CCDC125: variants seen among roughly 807,000 people sequenced by gnomAD.
The protein encoded by CCDC125 is coiled-coil domain-containing protein 125.
Under a neutral mutation model 57.4 loss-of-function variants are expected in CCDC125, and 43 were observed. The ratio of observed to expected loss-of-function variants is 0.75; its 90% CI spans 0.59 to 0.97. The LOEUF is 0.97. Among genes scored for constraint, CCDC125 ranks in the 50% least tolerant of loss-of-function variants. CCDC125 has a pLI of 0.00. For synonymous variants in CCDC125, 187 were observed against 195.2 expected (o/e 0.96, Z 0.35); for missense variants, 563 against 595.7 (o/e 0.95, Z 0.57).
chr5:69,286,100 T>C (rs1451194368), intron 10 of CCDC125, among the ~76,000 whole-genome samples: 2 of 148,542 alleles, frequency 1.3e-5, no homozygotes, highest in Admixed American at 6.9e-5. Flanking sequence ...TAAAGAAAGA[T>C]GAAAATGTTC....
chr5:69,314,224 G>A (rs887626936), intron 2 of CCDC125, among the ~76,000 whole-genome samples, 178 bp from the exon 3 acceptor site: 2 of 152,096 alleles, frequency 1.3e-5, no homozygotes, highest in African/African-American at 2.4e-5. Context: ...CAGCACTCTG[G>A]GAGGCCGAGG....
chr5:69,287,936 G>A (rs1032846748), intron 10 of CCDC125, among the ~76,000 whole-genome samples: 1 of 152,110 alleles, frequency 6.6e-6, no homozygotes, highest in African/African-American at 2.4e-5. Context: ...GAGATTGGGA[G>A]CTATACCCCT....
At chr5:69,317,990 T>G (rs1048195997) in intron 2 of CCDC125, among the ~76,000 whole-genome samples, 10 of 143,382 alleles carry the variant, frequency 7.0e-5, no homozygotes, top group Non-Finnish European at 1.5e-4. Flanking sequence ...TTTTTTTTTT[T>G]TTTTTTTTTT....
At chr5:69,286,524 C>A (rs1310694611) in intron 10 of CCDC125, among the ~76,000 whole-genome samples, 1 of 151,760 alleles carries the variant, frequency 6.6e-6, no homozygotes, top group Non-Finnish European at 1.5e-5. Flanking sequence ...TGAGCCACCG[C>A]GCCCGGCCAA....
At chr5:69,327,090 C>A (rs1760823657) in intron 1 of CCDC125, among the ~76,000 whole-genome samples, 1 of 125,220 alleles carries the variant, frequency 8.0e-6, no homozygotes, top group Non-Finnish European at 1.7e-5. Context: ...TGTATATTCT[C>A]CCACTTTTTT....
intron 8 of CCDC125, among the ~76,000 whole-genome samples, chr5:69,299,184 A>G (rs948295983): frequency 2.0e-5 from 3 of 147,780 alleles, no homozygotes; most frequent in Non-Finnish European, 3.0e-5. Flanking sequence ...ATCTCGGCTC[A>G]CTGCAAGCTC....
chr5:69,314,604 G>A (rs1183858953), intron 2 of CCDC125, among the ~76,000 whole-genome samples: 2 of 152,074 alleles, frequency 1.3e-5, no homozygotes, highest in East Asian at 1.9e-4. Flanking sequence ...CCAGGAGTTA[G>A]AAACAAGCCT....
At position 69,282,991 on chromosome 5, in the gene CCDC125, C is replaced by G. The variant is rs1181070415; in HGVS notation, c.1274G>C (p.Ser425Thr). 6.2e-7 allele frequency: 1 copy of G among 1,606,562 alleles called. No individual in the cohort carries two copies. Among genetic ancestry groups the G allele is most frequent in the Admixed American group, 1.7e-5 (1 of 58,504 alleles). Reference sequence around the variant, plus strand: ...TTCCAATGCCCGAGCAAGCATGTAGCTAACTTTTCTTTGATGAGCCAAAGC... The same window carrying G: ...TTCCAATGCCCGAGCAAGCATGTAGGTAACTTTTCTTTGATGAGCCAAAGC... ...EEALAHQRKV[S>T]YMLARALEDK... is the part of the protein sequence containing the mutation. Residue 425 changes from serine (S) to threonine (T), a missense_variant, in exon 12 of 12, where the codon AGC becomes ACC. By Grantham distance (58) the Ser-to-Thr change is moderately conservative. Coordinates refer to ENST00000396496, the MANE Select transcript of CCDC125 (RefSeq NM_176816.5).
intron 1 of CCDC125, among the ~76,000 whole-genome samples, chr5:69,320,786 G>GGTGTGTGTGT (rs145801965): frequency 4.7e-5 from 7 of 148,242 alleles, no homozygotes; most frequent in African/African-American, 1.7e-4. Context: ...TATGGTGTGG[G>GGTGTGTGTGT]GTGTGTGTGT....
chr5:69,304,161 G>A (rs995876850), intron 6 of CCDC125, among the ~76,000 whole-genome samples: 2 of 150,022 alleles, frequency 1.3e-5, no homozygotes, highest in African/African-American at 4.9e-5. Context: ...CTGAAGTGCA[G>A]TGGCACAATC....
intron 1 of CCDC125, among the ~76,000 whole-genome samples, chr5:69,325,268 G>A (rs977105581): frequency 6.7e-6 from 1 of 148,324 alleles, no homozygotes; most frequent in Non-Finnish European, 1.5e-5. Context: ...AGGGGTTGCA[G>A]TGAGCCGAGC....
intron 2 of CCDC125, among the ~76,000 whole-genome samples, chr5:69,318,306 A>G (rs1232430660): frequency 6.6e-6 from 1 of 151,792 alleles, no homozygotes; most frequent in African/African-American, 2.4e-5. Flanking sequence ...AATTAGCCGG[A>G]TATGGTGGAA....
intron 2 of CCDC125, among the ~76,000 whole-genome samples, chr5:69,318,242 A>C (rs1759443137): frequency 6.6e-6 from 1 of 151,372 alleles, no homozygotes; most frequent in South Asian, 2.1e-4. Flanking sequence ...AGCCTCCCAA[A>C]GTGCTGGGAT....
chr5:69,306,596 A>G (rs1442915189), intron 6 of CCDC125, among the ~76,000 whole-genome samples: 1 of 152,176 alleles, frequency 6.6e-6, no homozygotes, highest in African/African-American at 2.4e-5. Context: ...AAAGATTCCC[A>G]AAAGTGCTGG....
chr5:69,279,213 T>TC (rs1264863497), downstream of CCDC125, among the ~76,000 whole-genome samples: 11 of 145,426 alleles, frequency 7.6e-5, no homozygotes, highest in African/African-American at 2.6e-4. Context: ...TTTTTTTTTT[T>TC]TGGAGATGGA....
intron 2 of CCDC125, among the ~76,000 whole-genome samples, chr5:69,319,176 C>A (rs58725751): frequency 6.6e-6 from 1 of 152,248 alleles, no homozygotes; most frequent in African/African-American, 2.4e-5. Flanking sequence ...GATCCATCCG[C>A]CTCAGCCTCC....
intron 10 of CCDC125, among the ~76,000 whole-genome samples, chr5:69,287,523 A>G (rs955338174): frequency 6.6e-6 from 1 of 151,684 alleles, no homozygotes; most frequent in African/African-American, 2.4e-5. Context: ...TCAGCCTCCC[A>G]AAGTCCTGAG....
At chr5:69,294,766 G>A (rs1351524620) in intron 9 of CCDC125, 27 bp downstream of exon 9, 2 of 1,506,316 alleles carry the variant, frequency 1.3e-6, no homozygotes, top group Admixed American at 1.8e-5. Context: ...CAAAACTAAA[G>A]CTTTTGCTGT....
At chr5:69,311,370 G>C (rs954102402) in intron 3 of CCDC125, among the ~76,000 whole-genome samples, 166 bp from the exon 4 acceptor site, 2 of 152,082 alleles carry the variant, frequency 1.3e-5, no homozygotes, top group South Asian at 4.1e-4. Context: ...TGAAAGCCTC[G>C]GCCGGGCAAG....
Sources: gnomAD v4.1 joint callset for allele counts (sites outside exome capture counted in the v4.1 genomes callset) on GRCh38, gnomAD v4.1.1 for gene constraint, MANE v1.5 for transcripts, NCBI Gene and HGNC (gene_info 2026-07-23, HGNC 2026-07-21) for gene names.